Variants in RBM47 observed in about 807,000 individuals in gnomAD.
RBM47 encodes the protein RNA-binding protein 47.
A neutral mutation model predicts 47.1 loss-of-function variants in RBM47; 21 were observed. The observed-to-expected ratio is 0.45, with a 90% CI of 0.32 to 0.64. RBM47 has a LOEUF of 0.64. Among genes scored for constraint, RBM47 ranks in the 30% least tolerant of loss-of-function variants. The pLI, the probability that RBM47 is intolerant of heterozygous loss-of-function variation, is 0.05. For missense variants in RBM47, 708 were observed against 870.9 expected (o/e 0.81, Z 2.35); for synonymous variants, 375 against 361.7 (o/e 1.04, Z -0.42).
At chr4:40,436,966 G>A in intron 4 of RBM47, 1 of 457,826 alleles carries the variant, frequency 2.2e-6, no homozygotes. Flanking sequence ...GTGGCCAGGT[G>A]TGGTGTCTTA....
intron 6 of RBM47, among the ~76,000 whole-genome samples, chr4:40,430,796 T>C (rs1577596207): frequency 6.6e-6 from 1 of 152,278 alleles, no homozygotes; most frequent in East Asian, 1.9e-4. Context: ...AGAATCTCTG[T>C]TTTTTAAAAA....
intron 2 of RBM47, among the ~76,000 whole-genome samples, chr4:40,513,714 CTT>C (rs1351660143): frequency 6.8e-6 from 1 of 146,232 alleles, no homozygotes; most frequent in African/African-American, 2.5e-5. Context: ...TTTAAACTGA[CTT>C]TTTTTTTTTT....
At chr4:40,556,370 A>T (rs1730086640) in intron 1 of RBM47, among the ~76,000 whole-genome samples, 2 of 150,910 alleles carry the variant, frequency 1.3e-5, no homozygotes, top group Non-Finnish European at 1.5e-5. Context: ...TATGAGGTTA[A>T]GTAATCTTCA....
intron 2 of RBM47, among the ~76,000 whole-genome samples, chr4:40,528,755 T>C (rs1727025139): frequency 7.0e-6 from 1 of 142,086 alleles, no homozygotes; most frequent in Admixed American, 7.0e-5. Flanking sequence ...ACAGAGTAAG[T>C]AAGACCCTGT....
intron 1 of RBM47, among the ~76,000 whole-genome samples, chr4:40,578,988 G>A (rs1176165685): frequency 5.9e-5 from 9 of 152,012 alleles, no homozygotes; most frequent in Admixed American, 6.6e-5. Context: ...ACATGGTGGC[G>A]TGCACTTGTA....
chr4:40,546,236 C>T (rs1333050493), intron 1 of RBM47, among the ~76,000 whole-genome samples: 2 of 151,894 alleles, frequency 1.3e-5, no homozygotes, highest in Non-Finnish European at 2.9e-5. Context: ...CTGCAACCTC[C>T]GCCTCCCGGG....
At chr4:40,536,063 A>T (rs919897766) in intron 2 of RBM47, among the ~76,000 whole-genome samples, 3 of 152,126 alleles carry the variant, frequency 2.0e-5, no homozygotes, top group African/African-American at 7.2e-5. Flanking sequence ...TATTTTGCTG[A>T]CCTTGTTCTT....
chr4:40,449,581 T>C (rs1483350076), intron 3 of RBM47, among the ~76,000 whole-genome samples: 1 of 152,204 alleles, frequency 6.6e-6, no homozygotes, highest in Non-Finnish European at 1.5e-5. Flanking sequence ...TGCTGTGTAC[T>C]ACAAGACGGC....
chr4:40,544,705 C>T (rs1258189585), intron 1 of RBM47, among the ~76,000 whole-genome samples, 199 bp from the exon 2 acceptor site: 1 of 152,096 alleles, frequency 6.6e-6, no homozygotes, highest in African/African-American at 2.4e-5. Flanking sequence ...CCACTGGTCA[C>T]ATCATTTTGC....
chr4:40,626,388 T>C (rs754796351), intron 1 of RBM47, among the ~76,000 whole-genome samples: 7 of 152,204 alleles, frequency 4.6e-5, no homozygotes, highest in Non-Finnish European at 8.8e-5. Context: ...TAGTGTCTAT[T>C]GCAGTACACT....
intron 1 of RBM47, among the ~76,000 whole-genome samples, chr4:40,585,146 C>T (rs990047671): frequency 3.3e-5 from 5 of 152,280 alleles, no homozygotes; most frequent in African/African-American, 1.2e-4. Flanking sequence ...AAGTTTTATC[C>T]TCACAAATCC....
chr4:40,551,321 C>G (rs1457607991), intron 1 of RBM47, among the ~76,000 whole-genome samples: 1 of 152,180 alleles, frequency 6.6e-6, no homozygotes, highest in Non-Finnish European at 1.5e-5. Context: ...TTAGTACATA[C>G]TTTCACTTTT....
At position 40,426,159 on chromosome 4, in the gene RBM47, A is replaced by C; in HGVS notation, c.1543-16T>G. ...TTGGGCGGCCCTGAGGAGAAGAGAC[A>C]AAAAGGAGCCTTCCTGAACACGTGT... is the stretch of plus-strand genomic sequence containing the variant. On this transcript the variant is annotated splice_polypyrimidine_tract_variant and intron_variant, in intron 6 of 6. Transcript: ENST00000295971. 6.2e-7 allele frequency: 1 copy of C among 1,611,484 alleles called. No individual in the cohort carries two copies. The highest frequency in any genetic ancestry group is 8.5e-7 in the Non-Finnish European group (1 of 1,178,438).
chr4:40,437,090 A>AAAAAAAAAAAATATAT (rs1256296949), intron 4 of RBM47, among the ~76,000 whole-genome samples: 7 of 49,804 alleles, frequency 1.4e-4, no homozygotes, highest in African/African-American at 3.3e-4. Context: ...AAAAAAAAAA[A>AAAAAAAAAAAATATAT]ATATATATAT....
At chr4:40,482,783 C>T (rs1316454693) in intron 2 of RBM47, among the ~76,000 whole-genome samples, 1 of 152,164 alleles carries the variant, frequency 6.6e-6, no homozygotes, top group African/African-American at 2.4e-5. Flanking sequence ...GCTTGATAAG[C>T]TAGCAAGTAA....
intron 1 of RBM47, among the ~76,000 whole-genome samples, chr4:40,580,088 G>T (rs974513319): frequency 1.3e-5 from 2 of 152,040 alleles, no homozygotes; most frequent in Non-Finnish European, 2.9e-5. Context: ...ATTCGAATTG[G>T]TCTAAGTTCC....
chr4:40,591,022 C>T (rs1389898493), intron 1 of RBM47, among the ~76,000 whole-genome samples: 4 of 152,054 alleles, frequency 2.6e-5, no homozygotes, highest in African/African-American at 7.2e-5. Context: ...AGGCTGGTCT[C>T]GAACTCCTGA....
At position 40,531,604 on chromosome 4, in the gene RBM47, C is replaced by T. The variant is rs900704832; in HGVS notation, c.-155+12818G>A. 7.2e-5 allele frequency among the ~76,000 whole-genome samples: 11 copies of T among 152,294 alleles called. 1 individual carries two copies. Among genetic ancestry groups the T allele is most frequent in the Admixed American group, 6.5e-4 (10 of 15,286 alleles). ...AGATAGGTTGTACAATGGACATGCG[C>T]TCAGATACCAGGGTGAAGGCTATGC... On this transcript the variant is annotated intron_variant, in intron 2 of 6. Transcript: ENST00000295971.
Position 40,609,223 on chromosome 4 carries a change from A to G in RBM47, c.-240+20173T>C, listed in dbSNP as rs147749778. Among the ~76,000 whole-genome samples, 366 of 152,010 alleles carry G rather than the reference A, an allele frequency of 2.4e-3. 1 individual carries two copies. Among genetic ancestry groups the G allele is most frequent in the East Asian group, 0.014 (74 of 5,180 alleles). ...TGACCAGGCTGGTCTTAAACTCCCG[A>G]CCGTGATTCACCCACCTCAGCCTCC... On this transcript the variant is annotated intron_variant, in intron 1 of 6. Coordinates refer to ENST00000295971, the MANE Select transcript of RBM47 (RefSeq NM_001098634.2).
Sources: allele counts gnomAD v4.1 joint callset (sites outside exome capture counted in the v4.1 genomes callset), GRCh38; gene constraint gnomAD v4.1.1; transcripts MANE v1.5; gene names NCBI Gene and HGNC (gene_info 2026-07-23, HGNC 2026-07-21).